The following SEPTIN11 variants were observed in gnomAD, a reference collection of about 807,000 sequenced individuals.
The protein encoded by SEPTIN11 is septin 11, also known as septin-11.
A neutral mutation model predicts 51.4 loss-of-function variants in SEPTIN11; 25 were observed. The observed-to-expected ratio is 0.49, with a 90% confidence interval of 0.35 to 0.68. SEPTIN11 has a LOEUF of 0.68. Ranked by LOEUF, SEPTIN11 falls within the 30% of genes least tolerant of loss-of-function variation. The probability of loss-of-function intolerance (pLI) is 0.00; values close to 1 mark genes in which losing one functional copy is unlikely to be tolerated. For missense variants in SEPTIN11, 381 were observed against 520.8 expected (o/e 0.73, Z 2.61); for synonymous variants, 174 against 184.1 (o/e 0.95, Z 0.44).
chr4:76,966,691 A>G (rs997628536), intron 1 of SEPTIN11, among the ~76,000 whole-genome samples: 1 of 151,212 alleles, frequency 6.6e-6, no homozygotes, highest in Non-Finnish European at 1.5e-5. Flanking sequence ...GTGAAACCCC[A>G]TTTCTCAGAA....
chr4:77,014,728 T>C, intron 4 of SEPTIN11, 128 bp from the exon 5 acceptor site: 1 of 893,176 alleles, frequency 1.1e-6, no homozygotes, highest in Non-Finnish European at 1.7e-6. Context: ...GATGTTTTGA[T>C]ATAAGTAGGA....
At position 77,035,821 on chromosome 4, in the gene SEPTIN11, T is replaced by C. The variant is rs1726985452; in HGVS notation, c.*1309T>C. 5.2e-5 allele frequency: 51 copies of C among 985,768 alleles called. No homozygotes were observed. Among genetic ancestry groups the C allele is most frequent in the Non-Finnish European group, 6.1e-5 (51 of 829,960 alleles). 61.1% of individuals were successfully genotyped at this position (985,768 alleles called of 1,614,324 possible). A position where few individuals can be genotyped will look rare whatever the true frequency, so the allele number is the denominator to read the frequency against. On this transcript the variant is annotated 3_prime_UTR_variant, in exon 10 of 10. Coordinates refer to ENST00000264893, the MANE Select transcript of SEPTIN11 (RefSeq NM_018243.4). ...ATGGAAGAGTGCATATTTAATCTCT[T>C]TTCTATACTGCTCCTTTCTGATGCT...
At chr4:76,974,551 C>G (rs1722398597) in intron 1 of SEPTIN11, 1 of 340,662 alleles carries the variant, frequency 2.9e-6, no homozygotes, top group Non-Finnish European at 5.8e-6. Context: ...GCCAAATCCC[C>G]TGACACTTGC....
chr4:76,974,728 G>T (rs1002610942), intron 1 of SEPTIN11: 25 of 456,526 alleles, frequency 5.5e-5, no homozygotes, highest in African/African-American at 4.6e-4. Context: ...ATGGTGAAAA[G>T]AATCTCACTG....
At chr4:76,987,723 A>T in intron 1 of SEPTIN11, 1 of 323,016 alleles carries the variant, frequency 3.1e-6, no homozygotes, top group Non-Finnish European at 4.5e-6. Context: ...TGAGGCCAGA[A>T]TTTCTCCAGA....
intron 8 of SEPTIN11, among the ~76,000 whole-genome samples, chr4:77,030,400 GTTTTC>G (rs1726528607): frequency 6.6e-6 from 1 of 151,880 alleles, no homozygotes; most frequent in African/African-American, 2.4e-5. Context: ...ATATTTGTTT[GTTTTC>G]TTTTATTTTC....
At chr4:76,961,759 T>C (rs1049245710) in intron 1 of SEPTIN11, among the ~76,000 whole-genome samples, 2 of 152,240 alleles carry the variant, frequency 1.3e-5, no homozygotes, top group African/African-American at 4.8e-5. Flanking sequence ...TGAATGCGTA[T>C]CACTTTTGTA....
chr4:76,975,412 G>A (rs1017548444), intron 1 of SEPTIN11, among the ~76,000 whole-genome samples: 3 of 151,894 alleles, frequency 2.0e-5, no homozygotes, highest in Non-Finnish European at 4.4e-5. Flanking sequence ...ACTTCAATCC[G>A]CTTCTATTAT....
chr4:76,992,296 C>T (rs530327442), intron 1 of SEPTIN11, among the ~76,000 whole-genome samples: 2 of 152,280 alleles, frequency 1.3e-5, no homozygotes, highest in African/African-American at 4.8e-5. Context: ...ATCATGGTTT[C>T]AGAGTATTTT....
chr4:77,016,396 C>T lies in SEPTIN11; in HGVS notation c.687+1379C>T, dbSNP rs1164713143. On this transcript the variant is annotated intron_variant, in intron 5 of 9. Coordinates refer to ENST00000264893, the MANE Select transcript of SEPTIN11 (RefSeq NM_018243.4). Reference sequence around the variant, plus strand: ...CCCGAGCAGAGCAGTGTACCATCAGCCTCGGCATCCATGGATTTCACCAAC... The same window carrying T: ...CCCGAGCAGAGCAGTGTACCATCAGTCTCGGCATCCATGGATTTCACCAAC... 4.7e-5 allele frequency among the ~76,000 whole-genome samples: 7 copies of T among 149,768 alleles called. No individual in the cohort carries two copies. The South Asian group carries it at 1.5e-3, about 32-fold the overall frequency.
chr4:77,019,816 C>T (rs1287949361), intron 6 of SEPTIN11, among the ~76,000 whole-genome samples: 2 of 152,202 alleles, frequency 1.3e-5, no homozygotes, highest in Non-Finnish European at 2.9e-5. Context: ...AGGAGGACAT[C>T]CAGTGCTATG....
At chr4:76,960,350 T>C (rs1363873726) in intron 1 of SEPTIN11, among the ~76,000 whole-genome samples, 1 of 152,212 alleles carries the variant, frequency 6.6e-6, no homozygotes, top group African/African-American at 2.4e-5. Context: ...GAAGCACAGT[T>C]TTCTCTCTGA....
chr4:76,998,008 G>A (rs141025220), intron 2 of SEPTIN11, among the ~76,000 whole-genome samples: 28 of 152,136 alleles, frequency 1.8e-4, no homozygotes, highest in South Asian at 1.0e-3. Context: ...CTGGGTATGT[G>A]GTGTGCAGTG....
rs538291052 is a variant in SEPTIN11 at position 76,955,164 on chromosome 4, A to C, written c.27+5234A>C. Among the ~76,000 whole-genome samples the C allele has an allele frequency of 1.2e-3, 184 of 152,288 alleles. No individual in the cohort carries two copies. The Middle Eastern group carries it at 0.031, about 25-fold the overall frequency. ...GAGATTGAAAAACAAAATAATCCTC[A>C]ACACCCTAACACATCAGTACTCATT... On this transcript the variant is annotated intron_variant, in intron 1 of 9. Coordinates refer to ENST00000264893, the MANE Select transcript of SEPTIN11 (RefSeq NM_018243.4).
chr4:76,964,665 A>T (rs1721960835), intron 1 of SEPTIN11, among the ~76,000 whole-genome samples: 1 of 152,212 alleles, frequency 6.6e-6, no homozygotes, highest in Admixed American at 6.5e-5. Flanking sequence ...CTATTTCATC[A>T]CCATCATCAT....
chr4:77,002,602 C>G (rs1306846876), intron 2 of SEPTIN11, among the ~76,000 whole-genome samples: 1 of 152,138 alleles, frequency 6.6e-6, no homozygotes, highest in African/African-American at 2.4e-5. Flanking sequence ...CAAGTACCTT[C>G]GGTATTGACT....
intron 1 of SEPTIN11, among the ~76,000 whole-genome samples, chr4:76,950,994 C>T (rs982621229): frequency 1.3e-5 from 2 of 152,232 alleles, no homozygotes; most frequent in East Asian, 1.9e-4. Flanking sequence ...CTATCACCTC[C>T]TCTTCCCTTT....
chr4:77,007,528 C>T (rs1560727863), intron 3 of SEPTIN11, among the ~76,000 whole-genome samples: 1 of 152,162 alleles, frequency 6.6e-6, no homozygotes, highest in Non-Finnish European at 1.5e-5. Context: ...CTGCTGGTGG[C>T]TTTTCACTCC....
At chr4:77,003,824 A>G (rs755798531) in intron 2 of SEPTIN11, among the ~76,000 whole-genome samples, 69 of 152,174 alleles carry the variant, frequency 4.5e-4, no homozygotes, top group Admixed American at 3.1e-3. Flanking sequence ...TCTTTTTTCC[A>G]TAGAACACTA....
Sources: gnomAD v4.1 joint callset for allele counts (sites outside exome capture counted in the v4.1 genomes callset) on GRCh38, gnomAD v4.1.1 for gene constraint, MANE v1.5 for transcripts, NCBI Gene and HGNC (gene_info 2026-07-23, HGNC 2026-07-21) for gene names.